The following INA variants were observed in gnomAD, a reference collection of about 807,000 sequenced individuals.
INA encodes the protein internexin neuronal intermediate filament protein alpha.
INA carries 35 observed loss-of-function variants against 40.1 expected under a neutral mutation model. That is an observed-to-expected ratio of 0.87 (90% CI 0.67 to 1.16). The LOEUF is 1.16. INA is among the 50% of genes most tolerant of loss of function. The probability of loss-of-function intolerance (pLI) is 0.00; values close to 1 mark genes in which losing one functional copy is unlikely to be tolerated. For missense variants in INA, 594 were observed against 686.7 expected (o/e 0.87, Z 1.51); for synonymous variants, 290 against 316.9 (o/e 0.92, Z 0.90).
At position 103,278,903 on chromosome 10, in the gene INA, GCACA is replaced by G. The variant is rs369168949; in HGVS notation, c.1065+655_1065+658del. 9.1e-4 allele frequency among the ~76,000 whole-genome samples: 124 copies of G among 136,860 alleles called. 1 individual carries two copies. Among genetic ancestry groups the G allele is most frequent in the East Asian group, 8.2e-3 (38 of 4,654 alleles). 89.8% of individuals were successfully genotyped at this position (136,860 alleles called of 152,430 possible). A position where few individuals can be genotyped will look rare whatever the true frequency, so the allele number is the denominator to read the frequency against. ...ACACACACGATTCCCTTGTCCACCAGCACACACACACACACACACACACACACAC... is the reference window on the plus strand; with the variant it reads ...ACACACACGATTCCCTTGTCCACCAGCACACACACACACACACACACACAC... On this transcript the variant is annotated intron_variant, in intron 1 of 2. Coordinates refer to ENST00000369849, the MANE Select transcript of INA (RefSeq NM_032727.4). The surrounding 1 kb of genome is among the most constrained non-coding windows in gnomAD (Gnocchi z 4.9).
rs2093062540 is a variant in INA, at chr10:103,277,608, C to T, written c.397C>T (p.His133Tyr). The T allele has an allele frequency of 6.6e-7, 1 of 1,526,252 alleles. No homozygotes were observed. Among genetic ancestry groups the T allele is most frequent in the South Asian group, 1.2e-5 (1 of 84,042 alleles). The allele number at this position is 1,526,252 out of a possible 1,614,324, so 94.5% of individuals were successfully genotyped here. A position where few individuals can be genotyped will look rare whatever the true frequency, so the allele number is the denominator to read the frequency against. Reference protein sequence around the residue: ...EAELAALRQRHAEPSRVGELF... With the variant: ...EAELAALRQRYAEPSRVGELF... ...CGAGCTGGCCGCGCTGCGACAGCGC[C>T]ACGCTGAGCCGTCGCGCGTCGGCGA... The change falls in exon 1 of 3, where the codon CAC (histidine) becomes TAC (tyrosine). Residue 133 changes from histidine (H) to tyrosine (Y), a missense_variant. His to Tyr is a moderately conservative substitution (Grantham distance 83, BLOSUM62 2). This residue lies in a region of INA where 215 missense variants were observed against 190.6 expected (regional missense o/e 1.13). Coordinates refer to ENST00000369849, the MANE Select transcript of INA (RefSeq NM_032727.4). The surrounding 1 kb of genome is among the most constrained non-coding windows in gnomAD (Gnocchi z 5.6).
chr10:103,288,180 A>G (rs922492323), intron 2 of INA, among the ~76,000 whole-genome samples, 180 bp from the exon 3 acceptor site: 29 of 152,152 alleles, frequency 1.9e-4, no homozygotes, highest in Non-Finnish European at 2.9e-5. Context: ...GTGTGTGCGC[A>G]TGCGTATGCA....
Position 103,277,183 on chromosome 10 carries a change from G to A in INA, c.-29G>A. On this transcript the variant is annotated 5_prime_UTR_variant, in exon 1 of 3. Transcript: ENST00000369849. This position sits in a 1 kb window ranked among gnomAD's most constrained non-coding sequence, Gnocchi z 5.6. The stretch of plus-strand genomic sequence containing the variant: ...CCTTTCTTCTGTAGCTCGCGTTGAA[G>A]CCGCACGTCCGGCCCCGATCCCGGC... The A allele has an allele frequency of 6.5e-7, 1 of 1,546,318 alleles. No individual in the cohort carries two copies. The highest frequency in any genetic ancestry group is 8.7e-7 in the Non-Finnish European group (1 of 1,152,394).
intron 2 of INA, among the ~76,000 whole-genome samples, chr10:103,287,360 G>C (rs2093088741): frequency 6.6e-6 from 1 of 152,204 alleles, no homozygotes; most frequent in Admixed American, 6.5e-5. Context: ...AGAGTATTCT[G>C]TGTACCTCTG....
chr10:103,282,439 G>A (rs2093074765), intron 1 of INA, among the ~76,000 whole-genome samples: 1 of 152,158 alleles, frequency 6.6e-6, no homozygotes, highest in Non-Finnish European at 1.5e-5. Flanking sequence ...GCAGCAAGAT[G>A]GAGAATGGGG....
rs2093069807 is a variant in INA, at chr10:103,280,241, T to G, written c.1065+1965T>G. ...GGTGCTGCCCCCATCAGCTTGAGCC[T>G]TTAGAGCCACAGAGGACCTGCTGAT... On this transcript the variant is annotated intron_variant, in intron 1 of 2. Transcript: ENST00000369849. 3 of 985,264 alleles carry G rather than the reference T, an allele frequency of 3.0e-6. No individual in the cohort carries two copies. In the African/African-American group the frequency reaches 5.2e-5, roughly 17 times the overall value. The allele number at this position is 985,264 out of a possible 1,614,324, so 61.0% of individuals were successfully genotyped here.
intron 1 of INA, chr10:103,280,588 T>C (rs1434013525): frequency 4.1e-6 from 4 of 985,266 alleles, no homozygotes; most frequent in Admixed American, 6.1e-5. Context: ...CTATGAAACA[T>C]AGGAAGGCCC....
Position 103,277,199 on chromosome 10 carries a change from C to G in INA, c.-13C>G, listed in dbSNP as rs2234974. 18 of 1,569,196 alleles carry G rather than the reference C, an allele frequency of 1.1e-5. No homozygotes were observed. Among genetic ancestry groups the G allele is most frequent in the South Asian group, 2.3e-5 (2 of 87,028 alleles). Reference sequence around the variant, plus strand: ...CGCGTTGAAGCCGCACGTCCGGCCCCGATCCCGGCACCATGAGCTTCGGCT... The same window carrying G: ...CGCGTTGAAGCCGCACGTCCGGCCCGGATCCCGGCACCATGAGCTTCGGCT... On this transcript the variant is annotated 5_prime_UTR_variant, in exon 1 of 3. Coordinates refer to ENST00000369849, the MANE Select transcript of INA (RefSeq NM_032727.4). The surrounding 1 kb of genome is among the most constrained non-coding windows in gnomAD (Gnocchi z 5.6).
intron 1 of INA, chr10:103,280,383 GTC>G: frequency 1.0e-6 from 1 of 985,446 alleles, no homozygotes; most frequent in Non-Finnish European, 1.2e-6. Flanking sequence ...CCACAAGGGT[GTC>G]TCTGACTGTT....
Position 103,277,437 on chromosome 10 carries a change from G to T in INA, c.226G>T (p.Asp76Tyr). ...CCGGCCGCCGGCGTCCGACGGGCTG[G>T]ACCTGAGCCAGGCGGCGGCGCGCAC... is the stretch of plus-strand genomic sequence containing the variant. The part of the protein sequence containing the change: ...YRRPPASDGL[D>Y]LSQAAARTNE... Residue 76 changes from aspartate (D) to tyrosine (Y), a missense_variant, in exon 1 of 3, where the codon GAC becomes TAC. Physicochemically the swap from Asp to Tyr is radical, Grantham distance 160. Around this residue, in one of 2 missense-constraint regions of INA, gnomAD observed 215 missense variants for 190.6 expected, o/e 1.13. Coordinates refer to ENST00000369849, the MANE Select transcript of INA (RefSeq NM_032727.4). This position sits in a 1 kb window ranked among gnomAD's most constrained non-coding sequence, Gnocchi z 5.6. 6.4e-7 allele frequency: 1 copy of T among 1,573,150 alleles called. No homozygotes were observed. The highest frequency in any genetic ancestry group is 8.6e-7 in the Non-Finnish European group (1 of 1,164,234).
chr10:103,281,916 C>T (rs535669917), intron 1 of INA, among the ~76,000 whole-genome samples: 1 of 152,222 alleles, frequency 6.6e-6, no homozygotes, highest in Non-Finnish European at 1.5e-5. Flanking sequence ...CTGGGCGTGC[C>T]GCTCTCCGGT....
At chr10:103,279,573 A>G (rs1355926402) in intron 1 of INA, among the ~76,000 whole-genome samples, 1 of 152,244 alleles carries the variant, frequency 6.6e-6, no homozygotes, top group Non-Finnish European at 1.5e-5. Flanking sequence ...TAGAATGACT[A>G]TAATTCAGAA....
intron 1 of INA, among the ~76,000 whole-genome samples, chr10:103,281,076 C>T (rs114256475): frequency 2.2e-3 from 340 of 152,268 alleles, no homozygotes; most frequent in African/African-American, 7.1e-3. Context: ...GATTGGAGTA[C>T]AGCCTAATTA....
chr10:103,281,313 G>C (rs888349660), intron 1 of INA, among the ~76,000 whole-genome samples: 1 of 152,054 alleles, frequency 6.6e-6, no homozygotes, highest in South Asian at 2.1e-4. Context: ...TAAACTAGTG[G>C]ATCCTAAACC....
chr10:103,280,778 C>A, intron 1 of INA: 1 of 985,456 alleles, frequency 1.0e-6, no homozygotes, highest in Non-Finnish European at 1.2e-6. Flanking sequence ...CTATTGTCTT[C>A]AAAAGCCAAA....
In INA at chr10:103,288,538, A is replaced by G. The variant is rs756509471; in HGVS notation, c.1369A>G (p.Lys457Glu). ...AGAGGAGGAGGAGGAGGAGGCATCT[A>G]AGGTAGCCTCTAAGAAAACCTCCCA... Reference protein sequence around the residue: ...KKEEEEEEASKVASKKTSQIG... With the variant: ...KKEEEEEEASEVASKKTSQIG... The change falls in exon 3 of 3, where the codon AAG (lysine) becomes GAG (glutamate). Residue 457 changes from lysine (K) to glutamate (E), a missense_variant. Coordinates refer to ENST00000369849, the MANE Select transcript of INA (RefSeq NM_032727.4). The G allele has an allele frequency of 6.2e-7, 1 of 1,614,034 alleles. No homozygotes were observed. Among genetic ancestry groups the G allele is most frequent in the Non-Finnish European group, 8.5e-7 (1 of 1,179,966 alleles).
rs771640176 is a variant in INA, at chr10:103,277,388, G to GCTCGGC, written c.186_191dup (p.Gly63_Leu64dup). On this transcript the variant is annotated inframe_insertion, in exon 1 of 3. Transcript: ENST00000369849. The surrounding 1 kb of genome is among the most constrained non-coding windows in gnomAD (Gnocchi z 5.6). ...CGGCCGCCTGCTCCTCGGCCTCGTC[G>GCTCGGC]CTCGGCCTCGGCCTGGCCTATCGCC... 7 of 1,560,714 alleles carry GCTCGGC rather than the reference G, an allele frequency of 4.5e-6. No individual in the cohort carries two copies. Among genetic ancestry groups the GCTCGGC allele is most frequent in the African/African-American group, 2.8e-5 (2 of 70,598 alleles).
intron 1 of INA, among the ~76,000 whole-genome samples, chr10:103,284,389 A>G (rs1564715316): frequency 6.6e-6 from 1 of 152,232 alleles, no homozygotes; most frequent in Admixed American, 6.5e-5. Context: ...AGCCAGCCTA[A>G]AACATCAACA....
rs1481387692 is a variant in INA at position 103,287,115 on chromosome 10, G to T, written c.1146G>T (p.Leu382Phe). Reference protein sequence around the residue: ...MARHLREYQDLLNVKMALDIE... With the variant: ...MARHLREYQDFLNVKMALDIE... ...GCCACCTTCGGGAATACCAGGACTTGCTCAATGTCAAAATGGCTCTTGACA... is the reference window on the plus strand; with the variant it reads ...GCCACCTTCGGGAATACCAGGACTTTCTCAATGTCAAAATGGCTCTTGACA... The change falls in exon 2 of 3, where the codon TTG becomes TTT. Residue 382 changes from leucine (L) to phenylalanine (F), a missense_variant. Around this residue, in one of 2 missense-constraint regions of INA, gnomAD observed 379 missense variants for 496.1 expected, o/e 0.76. Coordinates refer to ENST00000369849, the MANE Select transcript of INA (RefSeq NM_032727.4). The T allele has an allele frequency of 6.2e-7, 1 of 1,613,848 alleles. No individual in the cohort carries two copies. Among genetic ancestry groups the T allele is most frequent in the East Asian group, 2.2e-5 (1 of 44,862 alleles).
Sources: allele counts gnomAD v4.1 joint callset (sites outside exome capture counted in the v4.1 genomes callset), GRCh38; gene constraint gnomAD v4.1.1; regional missense constraint gnomAD v4.1.1; non-coding constraint Gnocchi (gnomAD v3.1); transcripts MANE v1.5; gene names NCBI Gene and HGNC (gene_info 2026-07-23, HGNC 2026-07-21).